Variants in RGMB observed in about 807,000 individuals in gnomAD.
RGMB encodes repulsive guidance molecule B.
A neutral mutation model predicts 26.9 loss-of-function variants in RGMB; 16 were observed. That is an observed-to-expected ratio of 0.60 (90% confidence interval 0.40 to 0.90). The LOEUF (loss-of-function observed/expected upper bound fraction) is 0.90. Ranked by LOEUF, RGMB falls within the 40% of genes least tolerant of loss-of-function variation. The pLI is 0.00. For missense variants in RGMB, 512 were observed against 573.3 expected, an observed-to-expected ratio of 0.89 and a Z score of 1.09; for synonymous variants, 225 against 229.3, an observed-to-expected ratio of 0.98 and a Z score of 0.17.
At chr5:98,771,698 AACG>A (rs1386589864), upstream of RGMB, 7 of 152,318 alleles carry the variant, frequency 4.6e-5, no homozygotes, top group South Asian at 8.3e-4. Flanking sequence ...AGTTCCGTTT[AACG>A]ACACCAGGAT....
chr5:98,782,222 G>A (rs1580281709), intron 2 of RGMB, among the ~76,000 whole-genome samples: 1 of 152,150 alleles, frequency 6.6e-6, no homozygotes. Flanking sequence ...CATCTGGAAG[G>A]TTGCTCTTGA....
At chr5:98,773,027 A>G (rs1746221645), upstream of RGMB, 1 of 152,144 alleles carries the variant, frequency 6.6e-6, no homozygotes, top group South Asian at 2.1e-4. Flanking sequence ...TTCCCAGCCC[A>G]TCCTATCTGC....
In RGMB at chr5:98,795,470, TCA is replaced by T. The variant is rs1282561323; in HGVS notation, c.*1720_*1721del. The T allele has an allele frequency of 6.6e-5, 10 of 152,198 alleles. No homozygotes were observed. Among genetic ancestry groups the T allele is most frequent in the African/African-American group, 2.4e-4 (10 of 41,456 alleles). The allele number at this position is 152,198 out of a possible 1,614,324, so 9.4% of individuals were successfully genotyped here. ...CTTAGCGAACTGATGTGCCACCCAG[TCA>T]CAGAGTGGAGTTGTGAATTCATGTA... is the stretch of plus-strand genomic sequence containing the variant. On this transcript the variant is annotated 3_prime_UTR_variant, in exon 3 of 3. Coordinates refer to ENST00000513185, the MANE Select transcript of RGMB (RefSeq NM_001366508.1).
In RGMB at chr5:98,774,096, GCGCCGCCGCTGC is replaced by G. The variant is rs1211620985; in HGVS notation, c.35_46del (p.Ala12_Ala15del). On this transcript the variant is annotated inframe_deletion, in exon 1 of 3. Transcript: ENST00000513185. ...ATGGGCTTGAGAGCAGCACCTTCCA[GCGCCGCCGCTGC>G]CGCCGCCGAGGTTGAGCAGCGCCGC... 7 of 1,236,086 alleles carry G rather than the reference GCGCCGCCGCTGC, an allele frequency of 5.7e-6. No individual in the cohort carries two copies. The Admixed American group carries it at 1.3e-4, about 22-fold the overall frequency. The allele number at this position is 1,236,086 out of a possible 1,614,324, so 76.6% of individuals were successfully genotyped here.
Position 98,793,838 on chromosome 5 carries a change from G to A in RGMB, c.*85G>A. ...TTGTCATAATATATTGAGTAAAAGA[G>A]TATATATGTATATACCATGTATATG... On this transcript the variant is annotated 3_prime_UTR_variant, in exon 3 of 3. Coordinates refer to ENST00000513185, the MANE Select transcript of RGMB (RefSeq NM_001366508.1). 1 of 975,508 alleles carries A rather than the reference G, an allele frequency of 1.0e-6. No homozygotes were observed. The allele number at this position is 975,508 out of a possible 1,614,324, so 60.4% of individuals were successfully genotyped here.
chr5:98,786,528 A>G (rs1037396899), intron 2 of RGMB, among the ~76,000 whole-genome samples: 3 of 152,226 alleles, frequency 2.0e-5, no homozygotes, highest in African/African-American at 4.8e-5. Flanking sequence ...GTTGGCTTCT[A>G]TTAATGCTAA....
chr5:98,771,795 A>G (rs954548720), upstream of RGMB: 1 of 152,164 alleles, frequency 6.6e-6, no homozygotes, highest in Non-Finnish European at 1.5e-5. Flanking sequence ...GGGGGAGGGG[A>G]GTAAAAAATC....
intron 2 of RGMB, among the ~76,000 whole-genome samples, chr5:98,792,359 A>G (rs528045975): frequency 2.0e-5 from 3 of 152,336 alleles, no homozygotes; most frequent in South Asian, 2.1e-4. Context: ...TAACTCAGAA[A>G]CGAGCCTTTT....
chr5:98,770,404 C>G, upstream of RGMB: 1 of 399,928 alleles, frequency 2.5e-6, no homozygotes, highest in Non-Finnish European at 4.5e-6. Context: ...GCATTACCTC[C>G]GCGCGCTGGC....
rs1746946934 is a variant in RGMB, at chr5:98,792,067, G to A, written c.646-1018G>A. 2.0e-5 allele frequency among the ~76,000 whole-genome samples: 3 copies of A among 152,188 alleles called. No individual in the cohort carries two copies. In the South Asian group the frequency reaches 6.2e-4, roughly 32 times the overall value. ...ACTAGGTTTAGGGTATTCAGTCTCT[G>A]CCAGTGCTTAGGAGCTATATTTGCC... On this transcript the variant is annotated intron_variant, in intron 2 of 2. Transcript: ENST00000513185.
chr5:98,787,726 A>G (rs1746806424), intron 2 of RGMB, among the ~76,000 whole-genome samples: 1 of 152,178 alleles, frequency 6.6e-6, no homozygotes, highest in East Asian at 1.9e-4. Flanking sequence ...TCACCCTAAT[A>G]CAAGGAAGTT....
intron 2 of RGMB, among the ~76,000 whole-genome samples, chr5:98,791,649 T>A (rs550871018): frequency 6.6e-6 from 1 of 152,314 alleles, no homozygotes; most frequent in South Asian, 2.1e-4. Flanking sequence ...TACTTTTTGT[T>A]TTTTCAAGAA....
intron 2 of RGMB, among the ~76,000 whole-genome samples, chr5:98,785,115 A>G (rs1299948265): frequency 6.6e-6 from 1 of 152,240 alleles, no homozygotes; most frequent in African/African-American, 2.4e-5. Context: ...TATTGGGAAC[A>G]GATGGAAAGG....
upstream of RGMB, chr5:98,773,578 G>C (rs1008280490): frequency 4.5e-6 from 1 of 220,562 alleles, no homozygotes; most frequent in East Asian, 9.4e-5. Flanking sequence ...CACGGCGGGG[G>C]ATTATGGCGT....
At chr5:98,792,372 T>C (rs1004778177) in intron 2 of RGMB, among the ~76,000 whole-genome samples, 2 of 152,198 alleles carry the variant, frequency 1.3e-5, no homozygotes, top group East Asian at 3.8e-4. Context: ...AGCCTTTTTC[T>C]TTTCTCAGAA....
At chr5:98,792,844 A>C (rs1746976131) in intron 2 of RGMB, 1 of 355,482 alleles carries the variant, frequency 2.8e-6, no homozygotes, top group Admixed American at 4.3e-5. Context: ...CTCTTAGGAA[A>C]GTAAAAAAGT....
At chr5:98,781,705 A>G (rs1238636850) in intron 2 of RGMB, among the ~76,000 whole-genome samples, 1 of 152,152 alleles carries the variant, frequency 6.6e-6, no homozygotes, top group Non-Finnish European at 1.5e-5. Flanking sequence ...ATGGGGAAAT[A>G]CTCATTCTCT....
At chr5:98,774,259 C>T (rs1044617967) in intron 1 of RGMB, 53 bp downstream of exon 1, 3 of 1,339,660 alleles carry the variant, frequency 2.2e-6, no homozygotes, top group African/African-American at 1.5e-5. Context: ...GGCTTTGTTC[C>T]CAAATAGCCC....
chr5:98,769,624 T>A (rs530974561), upstream of RGMB: 2 of 152,776 alleles, frequency 1.3e-5, no homozygotes, highest in Admixed American at 1.3e-4. Flanking sequence ...GGAATGCCTG[T>A]GGTGAGTTGT....
Sources: gnomAD v4.1 joint callset for allele counts (sites outside exome capture counted in the v4.1 genomes callset) on GRCh38, gnomAD v4.1.1 for gene constraint, MANE v1.5 for transcripts, NCBI Gene and HGNC (gene_info 2026-07-23, HGNC 2026-07-21) for gene names.